The following MUC17 variants were observed in gnomAD, a reference collection of about 807,000 sequenced individuals.
MUC17 encodes the protein mucin 17, cell surface associated, also known as mucin-17.
A neutral mutation model predicts 170.3 loss-of-function variants in MUC17; 190 were observed. The observed-to-expected ratio is 1.12, with a 90% CI of 0.99 to 1.26. MUC17 has a LOEUF of 1.26. MUC17 is among the 50% of genes most tolerant of loss of function. The pLI is 0.00. For missense variants in MUC17, 6,415 were observed against 5,530.0 expected, an observed-to-expected ratio of 1.16 and a Z score of -5.08; for synonymous variants, 2,325 against 2,002.5, an observed-to-expected ratio of 1.16 and a Z score of -4.30.
rs141281393 is a variant in MUC17 at position 101,040,016 on chromosome 7, G to T, written c.8600G>T (p.Gly2867Val). ...IVVPISTASE[G>V]STLLTSIPVS... ...GTGCCAATCTCAACTGCTAGTGAAG[G>T]AAGTACTCTATTAACAAGTATACCT... Residue 2867 changes from glycine (G) to valine (V), a missense_variant, in exon 3 of 13, where the codon GGA becomes GTA. Coordinates refer to ENST00000306151, the MANE Select transcript of MUC17 (RefSeq NM_001040105.2). The T allele has an allele frequency of 1.9e-6, 3 of 1,609,000 alleles. No individual in the cohort carries two copies. Among genetic ancestry groups the T allele is most frequent in the Non-Finnish European group, 2.5e-6 (3 of 1,178,806 alleles).
At position 101,039,863 on chromosome 7, in the gene MUC17, C is replaced by A; in HGVS notation, c.8447C>A (p.Pro2816His). Residue 2816 changes from proline to histidine, a missense_variant, in exon 3 of 13, where the codon CCT (proline) becomes CAT (histidine). Pro to His is a moderately conservative substitution (Grantham distance 77). Transcript: ENST00000306151. ...ACAAGTACTCCATTAACTAGTATGC[C>A]TGTCAACCACACGCCAGTGGCCAGT... ...SETSTPLTSM[P>H]VNHTPVASSE... 1 of 1,607,206 alleles carries A rather than the reference C, an allele frequency of 6.2e-7. No individual in the cohort carries two copies. The highest frequency in any genetic ancestry group is 8.5e-7 in the Non-Finnish European group (1 of 1,177,894).
chr7:101,040,191 A>T lies in MUC17; in HGVS notation c.8775A>T (p.Glu2925Asp). 3.1e-6 allele frequency: 5 copies of T among 1,612,482 alleles called. No individual in the cohort carries two copies. Among genetic ancestry groups the T allele is most frequent in the Non-Finnish European group, 4.2e-6 (5 of 1,179,436 alleles). The stretch of plus-strand genomic sequence containing the variant: ...GCATGCCAATCTCAACTCCTAGTGA[A>T]GTAAGTACTCCATTAACAAGTATAC... ...GTSMPISTPS[E>D]VSTPLTSILV... The change falls in exon 3 of 13, where the codon GAA becomes GAT. Residue 2925 changes from glutamate to aspartate, a missense_variant. Glu to Asp is a conservative substitution (Grantham distance 45, BLOSUM62 2). Coordinates refer to ENST00000306151, the MANE Select transcript of MUC17 (RefSeq NM_001040105.2).
rs772087792 is a variant in MUC17, at chr7:101,034,373, C to T, written c.2957C>T (p.Thr986Ile). Residue 986 changes from threonine to isoleucine, a missense_variant, in exon 3 of 13, where the codon ACA becomes ATA. Transcript: ENST00000306151. Reference protein sequence around the residue: ...STPSEGTTPLTSTPVSHTLVA... With the variant: ...STPSEGTTPLISTPVSHTLVA... ...CCTAGTGAAGGAACGACTCCATTAA[C>T]AAGCACACCTGTCAGCCACACGCTG... The T allele has an allele frequency of 6.2e-7, 1 of 1,608,682 alleles. No homozygotes were observed. The highest frequency in any genetic ancestry group is 1.1e-5 in the South Asian group (1 of 90,230).
rs978429486 is a variant in MUC17 at position 101,053,436 on chromosome 7, G to A, written c.13363G>A (p.Asp4455Asn). The A allele has an allele frequency of 1.2e-6, 2 of 1,612,158 alleles. No homozygotes were observed. The highest frequency in any genetic ancestry group is 2.7e-5 in the African/African-American group (2 of 74,850). The change falls in exon 11 of 13, where the codon GAT (aspartate) becomes AAT (asparagine). Residue 4455 changes from aspartate to asparagine, a missense_variant and splice_region_variant. Coordinates refer to ENST00000306151, the MANE Select transcript of MUC17 (RefSeq NM_001040105.2). ...AAACATTGGCTTTGACATCTGCCAAGGTATTGGCCTTCCTCTCTGAACTCA... is the reference window on the plus strand; with the variant it reads ...AAACATTGGCTTTGACATCTGCCAAAGTATTGGCCTTCCTCTCTGAACTCA... ...FQNIGFDICQ[D>N]DDSIHLESIY... is the part of the protein sequence containing the mutation.
At position 101,040,811 on chromosome 7, in the gene MUC17, C is replaced by A; in HGVS notation, c.9395C>A (p.Thr3132Asn). ...ISTLSTTPVD[T>N]STPVTTSTEA... ...ACCCTTTCAACAACTCCTGTTGACA[C>A]CAGCACACCTGTGACCACTTCTACT... Residue 3132 changes from threonine to asparagine, a missense_variant, in exon 3 of 13, where the codon ACC (threonine) becomes AAC (asparagine). Thr to Asn is a moderately conservative substitution (Grantham distance 65). Coordinates refer to ENST00000306151, the MANE Select transcript of MUC17 (RefSeq NM_001040105.2). 6.2e-7 allele frequency: 1 copy of A among 1,613,708 alleles called. No individual in the cohort carries two copies. Among genetic ancestry groups the A allele is most frequent in the Non-Finnish European group, 8.5e-7 (1 of 1,179,820 alleles).
At chr7:101,028,913 C>T (rs1403577800) in intron 1 of MUC17, among the ~76,000 whole-genome samples, 1 of 149,520 alleles carries the variant, frequency 6.7e-6, no homozygotes, top group Non-Finnish European at 1.5e-5. Context: ...TAAGTCCGGA[C>T]GTGGTGGTTC....
rs1332490762 is a variant in MUC17, at chr7:101,040,716, T to C, written c.9300T>C (p.Tyr3100=). The C allele has an allele frequency of 4.3e-6, 7 of 1,613,280 alleles. No homozygotes were observed. Among genetic ancestry groups the C allele is most frequent in the Middle Eastern group, 1.7e-4 (1 of 6,058 alleles). ...AEGTSMPIST[Y]SEGSTPLTGV... is the part of the protein sequence containing the mutation. Reference sequence around the variant, plus strand: ...GTACCAGCATGCCAATCTCAACTTATAGTGAAGGAAGCACTCCATTAACAG... The same window carrying C: ...GTACCAGCATGCCAATCTCAACTTACAGTGAAGGAAGCACTCCATTAACAG... The change falls in exon 3 of 13, where the codon TAT becomes TAC. Residue 3100 remains tyrosine (Y), a synonymous_variant. Transcript: ENST00000306151.
chr7:101,056,170 T>C, intron 11 of MUC17, 24 bp from the exon 12 acceptor site: 1 of 1,613,616 alleles, frequency 6.2e-7, no homozygotes, highest in South Asian at 1.1e-5. Context: ...CCTGTTTCCA[T>C]GGTGCTTTCC....
In MUC17 at chr7:101,032,711, C is replaced by T. The variant is rs763649320; in HGVS notation, c.1295C>T (p.Ser432Leu). Residue 432 changes from serine (S) to leucine (L), a missense_variant, in exon 3 of 13, where the codon TCA (serine) becomes TTA (leucine). By Grantham distance (145) the Ser-to-Leu change is moderately radical (BLOSUM62 -2). Transcript: ENST00000306151. ...GTGACCACTGCTAGTGAAGCCAGCT[C>T]ATCTCCCACAACTGCTGAAGATACC... ...TFVTTASEASSSPTTAEDTSI... is the reference protein window; with the variant it reads ...TFVTTASEASLSPTTAEDTSI... The T allele has an allele frequency of 6.3e-7, 1 of 1,577,464 alleles. No homozygotes were observed. The highest frequency in any genetic ancestry group is 8.7e-7 in the Non-Finnish European group (1 of 1,154,896).
At chr7:101,030,331 T>A (rs375551311) in intron 1 of MUC17, among the ~76,000 whole-genome samples, 1 of 151,546 alleles carries the variant, frequency 6.6e-6, no homozygotes, top group African/African-American at 2.4e-5. Context: ...CAAGCAATTC[T>A]CCTGCCTCTG....
chr7:101,043,390 A>C lies in MUC17; in HGVS notation c.11974A>C (p.Thr3992Pro). 1.2e-6 allele frequency: 2 copies of C among 1,614,158 alleles called. No individual in the cohort carries two copies. Among genetic ancestry groups the C allele is most frequent in the Non-Finnish European group, 1.7e-6 (2 of 1,180,040 alleles). The change falls in exon 3 of 13, where the codon ACA (threonine) becomes CCA (proline). Residue 3992 changes from threonine (T) to proline (P), a missense_variant. By Grantham distance (38) the Thr-to-Pro change is conservative. Coordinates refer to ENST00000306151, the MANE Select transcript of MUC17 (RefSeq NM_001040105.2). Reference protein sequence around the residue: ...TTSFSTTKEFTTPAMTTAAPL... With the variant: ...TTSFSTTKEFPTPAMTTAAPL... The stretch of plus-strand genomic sequence containing the variant: ...ATCTTTTTCAACTACTAAGGAATTT[A>C]CAACACCCGCAATGACTACTGCAGC...
In MUC17 at chr7:101,043,796, C is replaced by A. The variant is rs543282250; in HGVS notation, c.12380C>A (p.Pro4127His). The A allele has an allele frequency of 1.2e-6, 2 of 1,605,900 alleles. No homozygotes were observed. Among genetic ancestry groups the A allele is most frequent in the African/African-American group, 2.7e-5 (2 of 74,698 alleles). The change falls in exon 3 of 13, where the codon CCT (proline) becomes CAT (histidine). Residue 4127 changes from proline to histidine, a missense_variant. Pro to His is a moderately conservative substitution (Grantham distance 77). Coordinates refer to ENST00000306151, the MANE Select transcript of MUC17 (RefSeq NM_001040105.2). ...ATTAAGAGCAACCCCACCTCAACTCCTACTGTGCCAAGAACCACAACATGT... is the reference window on the plus strand; with the variant it reads ...ATTAAGAGCAACCCCACCTCAACTCATACTGTGCCAAGAACCACAACATGT... ...TTIKSNPTST[P>H]TVPRTTTCFG...
rs756138753 is a variant in MUC17, at chr7:101,040,703, C to T, written c.9287C>T (p.Pro3096Leu). 2 of 1,613,332 alleles carry T rather than the reference C, an allele frequency of 1.2e-6. No homozygotes were observed. Among genetic ancestry groups the T allele is most frequent in the South Asian group, 2.2e-5 (2 of 91,052 alleles). The change falls in exon 3 of 13, where the codon CCA becomes CTA. Residue 3096 changes from proline to leucine, a missense_variant. Pro to Leu is a moderately conservative substitution (Grantham distance 98, BLOSUM62 -3). Coordinates refer to ENST00000306151, the MANE Select transcript of MUC17 (RefSeq NM_001040105.2). ...ACACCTGCTGAAGGTACCAGCATGC[C>T]AATCTCAACTTATAGTGAAGGAAGC... is the stretch of plus-strand genomic sequence containing the variant. Reference protein sequence around the residue: ...SPTPAEGTSMPISTYSEGSTP... With the variant: ...SPTPAEGTSMLISTYSEGSTP...
chr7:101,037,937 C>A lies in MUC17; in HGVS notation c.6521C>A (p.Ala2174Asp). The A allele has an allele frequency of 2.5e-6, 4 of 1,611,274 alleles. No individual in the cohort carries two copies. The highest frequency in any genetic ancestry group is 3.4e-6 in the Non-Finnish European group (4 of 1,178,372). ...ATGCCTGTCAGCACCACAGTGGTGG[C>A]CAGTTCTGCAATCAGCACCCTTTCA... ...TSMPVSTTVV[A>D]SSAISTLSTT... Residue 2174 changes from alanine to aspartate, a missense_variant, in exon 3 of 13, where the codon GCC (alanine) becomes GAC (aspartate). Transcript: ENST00000306151.
chr7:101,048,973 G>A lies in MUC17; in HGVS notation c.12663+1G>A. 6.2e-7 allele frequency: 1 copy of A among 1,614,160 alleles called. No individual in the cohort carries two copies. Among genetic ancestry groups the A allele is most frequent in the Admixed American group, 1.7e-5 (1 of 60,026 alleles). The stretch of plus-strand genomic sequence containing the variant: ...GTTCAAACAGACATTCACGGAACAG[G>A]TAAGTCTGGGAGAGCAAGGCCCCAT... On this transcript the variant is annotated splice_donor_variant, in intron 5 of 12. Coordinates refer to ENST00000306151, the MANE Select transcript of MUC17 (RefSeq NM_001040105.2). LOFTEE classifies it high-confidence loss of function.
intron 6 of MUC17, 25 bp downstream of exon 6, chr7:101,049,407 A>G (rs1244349522): frequency 6.2e-7 from 1 of 1,604,330 alleles, no homozygotes. Flanking sequence ...CCTTGGGAAG[A>G]GGGTCTGTGG....
At position 101,040,823 on chromosome 7, in the gene MUC17, T is replaced by C; in HGVS notation, c.9407T>C (p.Val3136Ala). ...STTPVDTSTP[V>A]TTSTEAHSSP... The stretch of plus-strand genomic sequence containing the variant: ...ACTCCTGTTGACACCAGCACACCTG[T>C]GACCACTTCTACTGAAGCCCATTCA... Residue 3136 changes from valine (V) to alanine (A), a missense_variant, in exon 3 of 13, where the codon GTG becomes GCG. By Grantham distance (64) the Val-to-Ala change is moderately conservative. Transcript: ENST00000306151. The C allele has an allele frequency of 6.2e-7, 1 of 1,613,730 alleles. No homozygotes were observed. The highest frequency in any genetic ancestry group is 8.5e-7 in the Non-Finnish European group (1 of 1,179,852).
rs1794988525 is a variant in MUC17 at position 101,053,338 on chromosome 7, G to A, written c.13266-1G>A. 1.2e-6 allele frequency: 2 copies of A among 1,613,796 alleles called. No individual in the cohort carries two copies. The highest frequency in any genetic ancestry group is 4.5e-5 in the East Asian group (2 of 44,874). ...GGTCTCTCTGATGTTTCCATCACTA[G>A]GCAAAAGTACAGATTGTCTCAGTTA... On this transcript the variant is annotated splice_acceptor_variant, in intron 10 of 12. Transcript: ENST00000306151. LOFTEE classifies it high-confidence loss of function.
At position 101,039,106 on chromosome 7, in the gene MUC17, A is replaced by C; in HGVS notation, c.7690A>C (p.Met2564Leu). Residue 2564 changes from methionine to leucine, a missense_variant, in exon 3 of 13, where the codon ATG (methionine) becomes CTG (leucine). By Grantham distance (15) the Met-to-Leu change is conservative. Transcript: ENST00000306151. ...SSATSAEGTS[M>L]PTSTYSEGST... ...TGCTACATCCGCTGAAGGTACCAGC[A>C]TGCCTACCTCAACTTATAGTGAAGG... is the stretch of plus-strand genomic sequence containing the variant. The C allele has an allele frequency of 6.2e-7, 1 of 1,613,642 alleles. No individual in the cohort carries two copies. Among genetic ancestry groups the C allele is most frequent in the Non-Finnish European group, 8.5e-7 (1 of 1,179,916 alleles).
Sources: gnomAD v4.1 joint callset for allele counts (sites outside exome capture counted in the v4.1 genomes callset) on GRCh38, gnomAD v4.1.1 for gene constraint, MANE v1.5 for transcripts, NCBI Gene and HGNC (gene_info 2026-07-23, HGNC 2026-07-21) for gene names.